The following ZNF573 variants were observed in gnomAD, a reference collection of about 807,000 sequenced individuals.
ZNF573 encodes the protein zinc finger protein 573.
ZNF573 carries 41 observed loss-of-function variants against 57.4 expected under a neutral mutation model. The observed-to-expected ratio is 0.71, with a 90% CI of 0.56 to 0.93. ZNF573 has a LOEUF of 0.93. ZNF573 is among the 40% of genes least tolerant of loss of function. ZNF573 has a pLI of 0.00. For missense variants in ZNF573, 730 were observed against 794.8 expected, an observed-to-expected ratio of 0.92 and a Z score of 0.98; for synonymous variants, 249 against 261.0, an observed-to-expected ratio of 0.95 and a Z score of 0.44.
intron 1 of ZNF573, among the ~76,000 whole-genome samples, chr19:37,777,438 A>G (rs370292949): frequency 6.6e-6 from 1 of 152,228 alleles, no homozygotes; most frequent in East Asian, 1.9e-4. Context: ...GTACACATAT[A>G]TATACACTAT....
At chr19:37,748,725 G>A (rs1472589825) in intron 4 of ZNF573, among the ~76,000 whole-genome samples, 4 of 151,994 alleles carry the variant, frequency 2.6e-5, no homozygotes, top group Non-Finnish European at 5.9e-5. Flanking sequence ...TCAGGAATTC[G>A]AGACCAGCCT....
At chr19:37,767,517 G>A (rs979243636) in intron 4 of ZNF573, among the ~76,000 whole-genome samples, 1 of 152,152 alleles carries the variant, frequency 6.6e-6, no homozygotes, top group African/African-American at 2.4e-5. Context: ...ACAGGCGTGA[G>A]CCACCATGCC....
chr19:37,739,670 A>G lies in ZNF573; in HGVS notation c.820T>C (p.Tyr274His), dbSNP rs746977346. ...GTCTTCCCACATTCCTTACATTTAT[A>G]TGGTTTTTCGCCAGTATGAACTCTC... The part of the protein sequence containing the change: ...HQRVHTGEKP[Y>H]KCKECGKTFS... Residue 274 changes from tyrosine to histidine, a missense_variant, in exon 5 of 5, where the codon TAT (tyrosine) becomes CAT (histidine). Transcript: ENST00000536220. 1.2e-6 allele frequency: 2 copies of G among 1,613,946 alleles called. No individual in the cohort carries two copies. The highest frequency in any genetic ancestry group is 2.2e-5 in the South Asian group (2 of 91,054).
Position 37,739,212 on chromosome 19 carries a change from A to G in ZNF573, c.1278T>C (p.Tyr426=). The G allele has an allele frequency of 6.2e-7, 1 of 1,613,500 alleles. No individual in the cohort carries two copies. The highest frequency in any genetic ancestry group is 8.5e-7 in the Non-Finnish European group (1 of 1,179,858). The part of the protein sequence containing the change: ...CKECGKAFSL[Y]GYLKQHQKIH... Reference sequence around the variant, plus strand: ...TTTTCTGATGTTGTTTAAGGTAGCCATACAAGCTAAAGGCCTTTCCGCATT... The same window carrying G: ...TTTTCTGATGTTGTTTAAGGTAGCCGTACAAGCTAAAGGCCTTTCCGCATT... Residue 426 remains tyrosine, a synonymous_variant, in exon 5 of 5, where the codon TAT becomes TAC. Coordinates refer to ENST00000536220, the MANE Select transcript of ZNF573 (RefSeq NM_001172690.2).
intron 4 of ZNF573, among the ~76,000 whole-genome samples, chr19:37,760,016 T>C (rs856299): frequency 0.95 from 145,065 of 152,302 alleles, 69,986 homozygotes; most frequent in Middle Eastern, 1. Flanking sequence ...ATTGTTCACA[T>C]ACATGATTTG....
At position 37,769,943 on chromosome 19, in the gene ZNF573, G is replaced by A. The variant is rs372466448; in HGVS notation, c.295+62C>T. On this transcript the variant is annotated intron_variant, in intron 4 of 4. Coordinates refer to ENST00000536220, the MANE Select transcript of ZNF573 (RefSeq NM_001172690.2). Reference sequence around the variant, plus strand: ...AAGGTTTCACAAACAACACAAAAATGTCTCCTTTCTCTTACCACATGGGCT... The same window carrying A: ...AAGGTTTCACAAACAACACAAAAATATCTCCTTTCTCTTACCACATGGGCT... 3.6e-5 allele frequency: 50 copies of A among 1,404,188 alleles called. 1 individual carries two copies. Among genetic ancestry groups the A allele is most frequent in the East Asian group, 3.2e-4 (13 of 40,196 alleles). 87.0% of individuals were successfully genotyped at this position (1,404,188 alleles called of 1,614,324 possible).
chr19:37,771,481 G>T, intron 3 of ZNF573, 83 bp downstream of exon 3: 1 of 1,481,090 alleles, frequency 6.8e-7, no homozygotes, highest in Non-Finnish European at 9.1e-7. Flanking sequence ...ACTATGTCTT[G>T]AAATATGGCC....
At chr19:37,741,901 G>A (rs760267883) in intron 4 of ZNF573, among the ~76,000 whole-genome samples, 12 of 152,272 alleles carry the variant, frequency 7.9e-5, no homozygotes, top group Non-Finnish European at 1.5e-4. Context: ...GTTTGCAGAT[G>A]ACATGATTTT....
At chr19:37,759,098 G>C in intron 4 of ZNF573, 2 of 493,414 alleles carry the variant, frequency 4.1e-6, no homozygotes, top group Non-Finnish European at 5.3e-6. Context: ...CTTGAGCCCA[G>C]GAGTTAGAGA....
At chr19:37,761,997 T>C (rs770504076) in intron 4 of ZNF573, among the ~76,000 whole-genome samples, 6 of 152,250 alleles carry the variant, frequency 3.9e-5, no homozygotes, top group African/African-American at 7.2e-5. Flanking sequence ...AGTTATATCA[T>C]ATTAGCATTG....
In ZNF573 at chr19:37,777,179, A is replaced by ATT. The variant is rs1371784563; in HGVS notation, c.-23+2363_-23+2364dup. ...AGAAGTCATTATATAAAATTATTTT[A>ATT]TTTTTTTTTCAGTGATAGAGACAGG... On this transcript the variant is annotated intron_variant, in intron 1 of 4. Coordinates refer to ENST00000536220, the MANE Select transcript of ZNF573 (RefSeq NM_001172690.2). Among the ~76,000 whole-genome samples the ATT allele has an allele frequency of 2.0e-5, 3 of 151,104 alleles. No homozygotes were observed. The East Asian group carries it at 5.8e-4, about 29-fold the overall frequency.
In ZNF573 at chr19:37,771,573, C is replaced by T. The variant is rs2045659213; in HGVS notation, c.193G>A (p.Val65Ile). 4 of 1,609,008 alleles carry T rather than the reference C, an allele frequency of 2.5e-6. No individual in the cohort carries two copies. Among genetic ancestry groups the T allele is most frequent in the Non-Finnish European group, 3.4e-6 (4 of 1,177,892 alleles). ...AGGCAAATAAACTTACCCAGTGATA[C>T]CAGGTTTCTATAGTTCTCCAACATC... ...DVMLENYRNLVSLGGHSISKP... is the reference protein window; with the variant it reads ...DVMLENYRNLISLGGHSISKP... The change falls in exon 3 of 5, where the codon GTA becomes ATA. Residue 65 changes from valine to isoleucine, a missense_variant. By Grantham distance (29) the Val-to-Ile change is conservative. Transcript: ENST00000536220.
rs200196838 is a variant in ZNF573, at chr19:37,771,830, T to C, written c.70-134A>G. 75 of 833,924 alleles carry C rather than the reference T, an allele frequency of 9.0e-5. No individual in the cohort carries two copies. The East Asian group carries it at 2.4e-3, about 26-fold the overall frequency. The allele number at this position is 833,924 out of a possible 1,614,324, so 51.7% of individuals were successfully genotyped here. ...ACTGGTAGCAGACTAAAGCAACGTG[T>C]CTACATATTCCTAAAGGATCCTATT... is the stretch of plus-strand genomic sequence containing the variant. On this transcript the variant is annotated intron_variant, in intron 2 of 4. Coordinates refer to ENST00000536220, the MANE Select transcript of ZNF573 (RefSeq NM_001172690.2).
intron 4 of ZNF573, among the ~76,000 whole-genome samples, chr19:37,750,932 A>G (rs1170366647): frequency 6.6e-6 from 1 of 151,848 alleles, no homozygotes; most frequent in African/African-American, 2.4e-5. Context: ...AGCCAAAACA[A>G]TCTTGAAAGA....
intron 4 of ZNF573, chr19:37,740,589 T>C (rs2045318348): frequency 4.4e-6 from 2 of 457,850 alleles, no homozygotes; most frequent in Non-Finnish European, 8.8e-6. Context: ...CGAGTGATTT[T>C]TCACTGTTCT....
At chr19:37,769,026 G>A (rs10048511) in intron 4 of ZNF573, among the ~76,000 whole-genome samples, 40,320 of 150,858 alleles carry the variant, frequency 0.27, 6,204 homozygotes, top group East Asian at 0.63. Context: ...GTGCAATGGC[G>A]TGATCTCGGC....
chr19:37,744,654 T>C (rs752119906), intron 4 of ZNF573, among the ~76,000 whole-genome samples: 13 of 150,118 alleles, frequency 8.7e-5, no homozygotes, highest in Non-Finnish European at 1.6e-4. Context: ...GGTGGGAGAA[T>C]TTCTAGAGCC....
chr19:37,746,213 G>A (rs1339038359), intron 4 of ZNF573, among the ~76,000 whole-genome samples: 1 of 152,148 alleles, frequency 6.6e-6, no homozygotes, highest in African/African-American at 2.4e-5. Context: ...TTTGGAAAAT[G>A]ATGTTTTGAC....
At chr19:37,757,492 C>G (rs920736637) in intron 4 of ZNF573, among the ~76,000 whole-genome samples, 1 of 152,138 alleles carries the variant, frequency 6.6e-6, no homozygotes, top group Non-Finnish European at 1.5e-5. Flanking sequence ...CTACCGCGCC[C>G]GGCCCACACT....
Sources: allele counts gnomAD v4.1 joint callset (sites outside exome capture counted in the v4.1 genomes callset), GRCh38; gene constraint gnomAD v4.1.1; transcripts MANE v1.5; gene names NCBI Gene and HGNC (gene_info 2026-07-23, HGNC 2026-07-21).